The following GTF2IRD1 variants were observed in gnomAD, a reference collection of about 807,000 sequenced individuals.
The protein encoded by GTF2IRD1 is GTF2I repeat domain containing 1, also known as general transcription factor II-I repeat domain-containing protein 1.
In GTF2IRD1, 26 loss-of-function variants were observed where a neutral mutation model predicts 113.2. The ratio of observed to expected loss-of-function variants is 0.23; its 90% confidence interval spans 0.17 to 0.32. The LOEUF (loss-of-function observed/expected upper bound fraction) is 0.32. GTF2IRD1 is among the 10% of genes least tolerant of loss of function. The pLI, the probability that GTF2IRD1 is intolerant of heterozygous loss-of-function variation, is 1.00. For synonymous variants in GTF2IRD1, 484 were observed against 529.1 expected, an observed-to-expected ratio of 0.91 and a Z score of 1.17; for missense variants, 864 against 1,280.8, an observed-to-expected ratio of 0.67 and a Z score of 4.97.
At chr7:74,544,694 G>A (rs1343907945) in intron 14 of GTF2IRD1, 61 bp from the exon 15 acceptor site, 10 of 1,534,780 alleles carry the variant, frequency 6.5e-6, no homozygotes, top group Non-Finnish European at 9.0e-6. Context: ...GCCTGACGTC[G>A]GCAGTGCATG....
Position 74,476,372 on chromosome 7 carries a change from T to C in GTF2IRD1, c.-7+22196T>C, listed in dbSNP as rs1794407230. Among the ~76,000 whole-genome samples the C allele has an allele frequency of 3.6e-5, 5 of 138,972 alleles. No individual in the cohort carries two copies. The Admixed American group carries it at 3.6e-4, about 10-fold the overall frequency. The allele number at this position is 138,972 out of a possible 152,430, so 91.2% of individuals were successfully genotyped here. A position where few individuals can be genotyped will look rare whatever the true frequency, so the allele number is the denominator to read the frequency against. Reference sequence around the variant, plus strand: ...TGGAAGCCTTCTGAACCTCCTTTTTTTTTTTCTTTTGAGACGGAGTCTCAC... The same window carrying C: ...TGGAAGCCTTCTGAACCTCCTTTTTCTTTTTCTTTTGAGACGGAGTCTCAC... On this transcript the variant is annotated intron_variant, in intron 1 of 26. Coordinates refer to ENST00000424337, the MANE Select transcript of GTF2IRD1 (RefSeq NM_005685.4).
chr7:74,554,616 G>T (rs1799494027), intron 17 of GTF2IRD1, among the ~76,000 whole-genome samples: 1 of 152,112 alleles, frequency 6.6e-6, no homozygotes, highest in South Asian at 2.1e-4. Context: ...TCAGTTCACT[G>T]CAACCTCTGC....
At chr7:74,569,615 C>T (rs1446613183) in intron 22 of GTF2IRD1, among the ~76,000 whole-genome samples, 11 of 152,292 alleles carry the variant, frequency 7.2e-5, no homozygotes, top group Admixed American at 3.3e-4. Context: ...GCGCTGTCTT[C>T]AGGTTACCAT....
chr7:74,524,792 GA>G (rs782768320), intron 8 of GTF2IRD1, among the ~76,000 whole-genome samples: 4 of 152,322 alleles, frequency 2.6e-5, no homozygotes, highest in Non-Finnish European at 4.4e-5. Context: ...TGGAACCTAG[GA>G]GGTGCAGGTT....
chr7:74,462,670 C>T (rs1193209296), intron 1 of GTF2IRD1, among the ~76,000 whole-genome samples: 1 of 152,192 alleles, frequency 6.6e-6, no homozygotes, highest in East Asian at 1.9e-4. Flanking sequence ...TTCACAAAGG[C>T]ACCATCTGGC....
intron 25 of GTF2IRD1, 26 bp downstream of exon 25, chr7:74,595,077 C>T (rs1357396153): frequency 6.4e-7 from 1 of 1,561,564 alleles, no homozygotes. Flanking sequence ...AGAAGCCACC[C>T]TTCTGCTCCG....
chr7:74,591,322 ATATT>A (rs1170308748), intron 24 of GTF2IRD1, among the ~76,000 whole-genome samples: 2 of 150,462 alleles, frequency 1.3e-5, no homozygotes, highest in Non-Finnish European at 3.0e-5. Flanking sequence ...TTAAATATGA[ATATT>A]TATTATATAT....
At chr7:74,600,369 C>T (rs1471457676) in intron 25 of GTF2IRD1, among the ~76,000 whole-genome samples, 4 of 151,866 alleles carry the variant, frequency 2.6e-5, no homozygotes, top group Admixed American at 6.6e-5. Context: ...CAGTGAGCTA[C>T]GATTGCACCA....
rs1554343271 is a variant in GTF2IRD1 at position 74,512,574 on chromosome 7, C to A, written c.124-256C>A. On this transcript the variant is annotated intron_variant, in intron 2 of 26. Transcript: ENST00000424337. This position sits in a 1 kb window ranked among gnomAD's most constrained non-coding sequence, Gnocchi z 4.4. ...GGGCTGGGGCTAAGGGGGGCCTACC[C>A]CAAGGAGGAGGACCTTGGAGGGAGG... is the stretch of plus-strand genomic sequence containing the variant. 6.6e-6 allele frequency among the ~76,000 whole-genome samples: 1 copy of A among 152,146 alleles called. No individual in the cohort carries two copies. The highest frequency in any genetic ancestry group is 2.4e-5 in the African/African-American group (1 of 41,436).
At chr7:74,496,482 CGTAT>C (rs1277975056) in intron 1 of GTF2IRD1, among the ~76,000 whole-genome samples, 73 of 73,576 alleles carry the variant, frequency 9.9e-4, no homozygotes, top group African/African-American at 3.8e-3. Flanking sequence ...TGGGTGTGCA[CGTAT>C]GTGTGTGTGT....
At chr7:74,564,766 T>G (rs1341399628) in intron 22 of GTF2IRD1, among the ~76,000 whole-genome samples, 2 of 150,640 alleles carry the variant, frequency 1.3e-5, no homozygotes, top group Non-Finnish European at 3.0e-5. Context: ...GAGAGAGAGA[T>G]AAGCCCAGAA....
rs782566530 is a variant in GTF2IRD1, at chr7:74,508,136, G to T, written c.56G>T (p.Arg19Leu). The change falls in exon 2 of 27, where the codon CGC (arginine) becomes CTC (leucine). Residue 19 changes from arginine (R) to leucine (L), a missense_variant. Physicochemically the swap from Arg to Leu is moderately radical, Grantham distance 102. Around this residue, in one of 7 missense-constraint regions of GTF2IRD1, gnomAD observed 182 missense variants for 266.6 expected, o/e 0.68. Transcript: ENST00000424337. ...DVPTNGCGPD[R>L]WNSAFTRKDE... ...CCCACCAACGGCTGCGGACCCGACC[G>T]CTGGAACTCCGCGTTCACCCGCAAA... 1.9e-6 allele frequency: 3 copies of T among 1,611,816 alleles called. No homozygotes were observed. Among genetic ancestry groups the T allele is most frequent in the Admixed American group, 1.7e-5 (1 of 59,980 alleles).
chr7:74,580,990 T>A (rs1801383500), intron 22 of GTF2IRD1, among the ~76,000 whole-genome samples: 1 of 152,094 alleles, frequency 6.6e-6, no homozygotes, highest in African/African-American at 2.4e-5. Flanking sequence ...GCTGACTTGG[T>A]GTTCCGGACG....
intron 1 of GTF2IRD1, among the ~76,000 whole-genome samples, chr7:74,503,983 TC>T (rs1393064941): frequency 1.3e-5 from 2 of 152,090 alleles, no homozygotes; most frequent in African/African-American, 4.8e-5. Flanking sequence ...AACGTTTAGC[TC>T]CCCTTATAAG....
At chr7:74,582,784 T>C (rs1296344476) in intron 22 of GTF2IRD1, among the ~76,000 whole-genome samples, 4 of 152,116 alleles carry the variant, frequency 2.6e-5, no homozygotes, top group Non-Finnish European at 2.9e-5. Context: ...CAGGGGCTTG[T>C]CCAATCCAGC....
At chr7:74,517,859 G>T (rs1797040913) in intron 4 of GTF2IRD1, among the ~76,000 whole-genome samples, 2 of 152,178 alleles carry the variant, frequency 1.3e-5, no homozygotes. Context: ...CCAGCCAGGT[G>T]CCCAGAGTGG....
chr7:74,465,539 G>T (rs966883927), intron 1 of GTF2IRD1, among the ~76,000 whole-genome samples: 10 of 152,266 alleles, frequency 6.6e-5, no homozygotes, highest in African/African-American at 2.4e-4. Context: ...GTATTGCCAG[G>T]TTCTTGGGAA....
chr7:74,487,457 A>G (rs1285458270), intron 1 of GTF2IRD1: 2 of 152,178 alleles, frequency 1.3e-5, no homozygotes, highest in African/African-American at 4.8e-5. Flanking sequence ...GCAGTCTCCT[A>G]TCTAAGAACT....
chr7:74,498,728 CTT>C (rs1554338686), intron 1 of GTF2IRD1, among the ~76,000 whole-genome samples: 5 of 144,228 alleles, frequency 3.5e-5, no homozygotes, highest in Admixed American at 7.0e-5. Flanking sequence ...TCCTGTAGTT[CTT>C]TTTTTTTTTT....
Sources: gnomAD v4.1 joint callset for allele counts (sites outside exome capture counted in the v4.1 genomes callset) on GRCh38, gnomAD v4.1.1 for gene constraint, gnomAD v4.1.1 regional missense constraint, Gnocchi (gnomAD v3.1) non-coding constraint, MANE v1.5 for transcripts, NCBI Gene and HGNC (gene_info 2026-07-23, HGNC 2026-07-21) for gene names.